PCSK5: variants seen among roughly 807,000 people sequenced by gnomAD.
PCSK5 encodes proprotein convertase subtilisin/kexin type 5, also known as prohormone convertase 5.
A neutral mutation model predicts 233.2 loss-of-function variants in PCSK5; 129 were observed. That is an observed-to-expected ratio of 0.55 (90% CI 0.48 to 0.64). PCSK5 has a LOEUF of 0.64. Ranked by LOEUF, PCSK5 falls within the 30% of genes least tolerant of loss-of-function variation. The pLI is 0.00. For synonymous variants in PCSK5, 825 were observed against 879.2 expected (o/e 0.94, Z 1.09); for missense variants, 2,076 against 2,430.1 (o/e 0.85, Z 3.06).
intron 3 of PCSK5, among the ~76,000 whole-genome samples, chr9:76,023,066 A>G (rs73650423): frequency 0.018 from 2,711 of 152,296 alleles, 87 homozygotes; most frequent in African/African-American, 0.06. Context: ...TATAAAGTCT[A>G]TGTTCTTCAG....
intron 24 of PCSK5, among the ~76,000 whole-genome samples, chr9:76,269,799 A>G (rs1239805616): frequency 1.3e-5 from 2 of 152,226 alleles, no homozygotes; most frequent in African/African-American, 2.4e-5. Context: ...ATTTTTGAAG[A>G]AAACTATTTC....
intron 5 of PCSK5, among the ~76,000 whole-genome samples, chr9:76,048,025 T>G (rs535856621): frequency 6.6e-6 from 1 of 152,336 alleles, no homozygotes; most frequent in Non-Finnish European, 1.5e-5. Flanking sequence ...CATTCTCATT[T>G]AAAGCCGCTG....
intron 20 of PCSK5, among the ~76,000 whole-genome samples, chr9:76,214,013 C>A (rs1825425611): frequency 6.6e-6 from 1 of 151,992 alleles, no homozygotes; most frequent in African/African-American, 2.4e-5. Context: ...TACAGTGAGG[C>A]CACGGAGACC....
intron 2 of PCSK5, among the ~76,000 whole-genome samples, chr9:75,950,867 A>G (rs1824823820): frequency 6.6e-6 from 1 of 152,234 alleles, no homozygotes; most frequent in African/African-American, 2.4e-5. Flanking sequence ...AATGTGCTAA[A>G]TGCTCCAATT....
intron 20 of PCSK5, among the ~76,000 whole-genome samples, chr9:76,197,194 C>G (rs1308668076): frequency 1.3e-5 from 2 of 152,176 alleles, no homozygotes; most frequent in African/African-American, 4.8e-5. Context: ...AACAGTGATT[C>G]AAAATTTGGT....
rs71372035 is a variant in PCSK5, at chr9:75,965,261, A to ATGTGTGTG, written c.298-20848_298-20841dup. ...ATCCTATATATGTGTATGTGTGTAT[A>ATGTGTGTG]TGTGTGTGTGTGTGTGTGTGTGTGT... On this transcript the variant is annotated intron_variant, in intron 2 of 37. Coordinates refer to ENST00000674117, the MANE Select transcript of PCSK5 (RefSeq NM_001372043.1). 9.6e-3 allele frequency among the ~76,000 whole-genome samples: 1,432 copies of ATGTGTGTG among 149,798 alleles called. 10 individuals are homozygous for ATGTGTGTG. The highest frequency in any genetic ancestry group is 0.02 in the Middle Eastern group (6 of 294).
intron 29 of PCSK5, among the ~76,000 whole-genome samples, chr9:76,309,057 A>C (rs929246941): frequency 6.1e-4 from 93 of 152,078 alleles, no homozygotes; most frequent in African/African-American, 2.1e-3. Flanking sequence ...ATCTCTATAA[A>C]AATTTTAAAA....
chr9:76,003,993 G>A lies in PCSK5; in HGVS notation c.411+17748G>A, dbSNP rs1269480567. Among the ~76,000 whole-genome samples, 3 of 152,052 alleles carry A rather than the reference G, an allele frequency of 2.0e-5. No individual in the cohort carries two copies. The South Asian group carries it at 6.2e-4, about 31-fold the overall frequency. On this transcript the variant is annotated intron_variant, in intron 3 of 37. Coordinates refer to ENST00000674117, the MANE Select transcript of PCSK5 (RefSeq NM_001372043.1). ...TTATTTTTATTTTTTGTAGAGCAGG[G>A]TTTCGTGTTCCGTAGGTTGGTCTCA...
intron 9 of PCSK5, among the ~76,000 whole-genome samples, chr9:76,131,921 G>T (rs780889099): frequency 2.6e-5 from 4 of 151,964 alleles, no homozygotes; most frequent in Non-Finnish European, 5.9e-5. Context: ...AGATATTTTC[G>T]TCAAATCTAA....
chr9:76,111,755 T>C (rs1452742913), intron 9 of PCSK5, among the ~76,000 whole-genome samples: 1 of 152,148 alleles, frequency 6.6e-6, no homozygotes, highest in Middle Eastern at 3.2e-3. Flanking sequence ...GTTTATTAAA[T>C]GAAAAACCAA....
chr9:76,041,933 A>G (rs889447095), intron 5 of PCSK5, among the ~76,000 whole-genome samples: 27 of 152,154 alleles, frequency 1.8e-4, no homozygotes, highest in African/African-American at 6.5e-4. Context: ...GGTTTTAACT[A>G]ATGTTTTTTA....
chr9:76,289,513 A>AACACACACACACACAC (rs1828211833), intron 24 of PCSK5, among the ~76,000 whole-genome samples: 1 of 75,794 alleles, frequency 1.3e-5, no homozygotes, highest in African/African-American at 6.2e-5. Context: ...ACACACACGC[A>AACACACACACACACAC]ACATACACAC....
rs73650411 is a variant in PCSK5 at position 75,961,223 on chromosome 9, G to A, written c.298-24909G>A. Among the ~76,000 whole-genome samples the A allele has an allele frequency of 5.3e-3, 811 of 152,276 alleles. 5 individuals carry two copies. The highest frequency in any genetic ancestry group is 0.018 in the African/African-American group (739 of 41,546). ...ACCTCTGACTGGTGGCCCAGCCCCT[G>A]GGGCTGGTGCATCTCTACATGAAAG... On this transcript the variant is annotated intron_variant, in intron 2 of 37. Coordinates refer to ENST00000674117, the MANE Select transcript of PCSK5 (RefSeq NM_001372043.1).
At chr9:75,981,350 T>G (rs1485753468) in intron 2 of PCSK5, among the ~76,000 whole-genome samples, 5 of 152,188 alleles carry the variant, frequency 3.3e-5, no homozygotes, top group African/African-American at 1.2e-4. Flanking sequence ...CCCACAAAGT[T>G]TTTTGCAAGA....
intron 3 of PCSK5, among the ~76,000 whole-genome samples, chr9:76,020,199 T>C (rs1390539992): frequency 4.6e-5 from 7 of 152,206 alleles, no homozygotes; most frequent in African/African-American, 1.7e-4. Context: ...TGCCTCTGGG[T>C]GCTGCTGTAA....
intron 33 of PCSK5, 46 bp from the exon 34 acceptor site, chr9:76,332,387 T>G (rs751559293): frequency 6.8e-7 from 1 of 1,461,884 alleles, no homozygotes; most frequent in African/African-American, 1.4e-5. Flanking sequence ...AGGGGAGACA[T>G]GTGTCATGCT....
intron 10 of PCSK5, among the ~76,000 whole-genome samples, chr9:76,140,150 G>A (rs576680743): frequency 1.8e-4 from 27 of 152,052 alleles, no homozygotes; most frequent in Non-Finnish European, 3.5e-4. Flanking sequence ...AAATGCATGC[G>A]GTTTCACACT....
rs867878555 is a variant in PCSK5, at chr9:76,095,946, C to A, written c.951C>A (p.Ser317Arg). 1 of 1,614,102 alleles carries A rather than the reference C, an allele frequency of 6.2e-7. No homozygotes were observed. The change falls in exon 8 of 38, where the codon AGC becomes AGA. Residue 317 changes from serine (S) to arginine (R), a missense_variant. Around this residue, in one of 6 missense-constraint regions of PCSK5, gnomAD observed 178 missense variants for 393.6 expected, o/e 0.45. Coordinates refer to ENST00000674117, the MANE Select transcript of PCSK5 (RefSeq NM_001372043.1). Reference sequence around the variant, plus strand: ...GGGCATCTGGAAATGGTGGAAGGAGCAAAGACCACTGCTCCTGTGATGGCT... The same window carrying A: ...GGGCATCTGGAAATGGTGGAAGGAGAAAAGACCACTGCTCCTGTGATGGCT... ...FVWASGNGGR[S>R]KDHCSCDGYT...
chr9:76,337,637 C>T (rs997328851), intron 34 of PCSK5, among the ~76,000 whole-genome samples: 2 of 151,916 alleles, frequency 1.3e-5, no homozygotes, highest in African/African-American at 4.8e-5. Context: ...CCATGTCTGG[C>T]TAATTTTTGT....
Sources: gnomAD v4.1 joint callset for allele counts (sites outside exome capture counted in the v4.1 genomes callset) on GRCh38, gnomAD v4.1.1 for gene constraint, gnomAD v4.1.1 regional missense constraint, MANE v1.5 for transcripts, NCBI Gene and HGNC (gene_info 2026-07-23, HGNC 2026-07-21) for gene names.